ST7: variants seen among roughly 807,000 people sequenced by gnomAD.
The protein encoded by ST7 is suppressor of tumorigenicity 7 protein.
A neutral mutation model predicts 78.7 loss-of-function variants in ST7; 28 were observed. The ratio of observed to expected loss-of-function variants is 0.36; its 90% CI spans 0.26 to 0.49. ST7 has a LOEUF of 0.49. Among genes scored for constraint, ST7 ranks in the 20% least tolerant of loss-of-function variants. The pLI is 0.99. For synonymous variants in ST7, 247 were observed against 249.6 expected (o/e 0.99, Z 0.10); for missense variants, 418 against 696.0 (o/e 0.60, Z 4.49).
At chr7:117,138,085 T>A (rs963383935) in intron 8 of ST7, among the ~76,000 whole-genome samples, 20 of 152,134 alleles carry the variant, frequency 1.3e-4, no homozygotes, top group African/African-American at 4.6e-4. Flanking sequence ...TTCATCAGGA[T>A]GTAACCTGAG....
chr7:116,989,168 A>G (rs370528302), intron 1 of ST7, among the ~76,000 whole-genome samples: 1 of 152,358 alleles, frequency 6.6e-6, no homozygotes, highest in Non-Finnish European at 1.5e-5. Context: ...AAAATTATTA[A>G]TGAGATATTT....
At chr7:117,046,652 C>A (rs979206277) in intron 1 of ST7, among the ~76,000 whole-genome samples, 2 of 151,970 alleles carry the variant, frequency 1.3e-5, no homozygotes, top group African/African-American at 4.8e-5. Context: ...TGGACTATAC[C>A]ATATAACAAG....
At chr7:117,118,562 C>A (rs1472057357) in intron 2 of ST7, 1 of 152,068 alleles carries the variant, frequency 6.6e-6, no homozygotes, top group African/African-American at 2.4e-5. Flanking sequence ...AAAGGTAATT[C>A]TATGTTAATT....
At chr7:117,106,578 C>G (rs1358300019) in intron 2 of ST7, among the ~76,000 whole-genome samples, 1 of 148,660 alleles carries the variant, frequency 6.7e-6, no homozygotes, top group Non-Finnish European at 1.5e-5. Context: ...TCTTCCCACT[C>G]TTTCCTCCTC....
At chr7:117,140,706 G>A (rs181282117) in intron 9 of ST7, among the ~76,000 whole-genome samples, 20 of 151,578 alleles carry the variant, frequency 1.3e-4, no homozygotes, top group East Asian at 1.9e-4. Context: ...CTTATATTAC[G>A]TTTCTAAAAA....
chr7:117,168,683 C>T (rs903524468), intron 9 of ST7, among the ~76,000 whole-genome samples: 1 of 152,280 alleles, frequency 6.6e-6, no homozygotes, highest in East Asian at 1.9e-4. Context: ...TCTTACTGAA[C>T]ACATAATCAG....
intron 1 of ST7, chr7:117,020,551 T>C (rs1795841765): frequency 1.4e-6 from 2 of 1,406,066 alleles, no homozygotes; most frequent in African/African-American, 1.5e-5. Context: ...CTTTTCTTTC[T>C]TTTTTTTTTC....
intron 3 of ST7, among the ~76,000 whole-genome samples, chr7:117,120,868 A>C (rs2116951502): frequency 6.6e-6 from 1 of 152,338 alleles, no homozygotes; most frequent in Non-Finnish European, 1.5e-5. Flanking sequence ...ATAAAGAATA[A>C]GGCTTAATCA....
intron 12 of ST7, among the ~76,000 whole-genome samples, chr7:117,209,439 G>A (rs1188230068): frequency 2.6e-5 from 4 of 152,194 alleles, no homozygotes; most frequent in Non-Finnish European, 5.9e-5. Context: ...TAACCTTCAT[G>A]TGTCTGTTTT....
At chr7:117,194,779 T>C (rs1240348237) in intron 12 of ST7, among the ~76,000 whole-genome samples, 2 of 152,236 alleles carry the variant, frequency 1.3e-5, no homozygotes, top group African/African-American at 4.8e-5. Context: ...ATGCTCACTC[T>C]GCTCTTCCTC....
At chr7:117,161,016 T>A (rs1293570983) in intron 9 of ST7, among the ~76,000 whole-genome samples, 1 of 152,192 alleles carries the variant, frequency 6.6e-6, no homozygotes, top group African/African-American at 2.4e-5. Flanking sequence ...TATTATAGAA[T>A]TCAAGTACAG....
chr7:116,990,781 G>A (rs943583003), intron 1 of ST7, among the ~76,000 whole-genome samples: 6 of 151,958 alleles, frequency 3.9e-5, no homozygotes, highest in Non-Finnish European at 8.8e-5. Context: ...TTTTTTAGTT[G>A]CACTTACCAT....
rs528242934 is a variant in ST7 at position 117,170,449 on chromosome 7, G to A, written c.964-413G>A. ...TGTAATCCCAGCACTTCGGGAGGCCGAGGCGGGCAGATCATGAGGTCAGGA... is the reference window on the plus strand; with the variant it reads ...TGTAATCCCAGCACTTCGGGAGGCCAAGGCGGGCAGATCATGAGGTCAGGA... On this transcript the variant is annotated intron_variant, in intron 9 of 15. Coordinates refer to ENST00000323984, the MANE Select transcript of ST7 (RefSeq NM_001369598.1). Among the ~76,000 whole-genome samples, 4 of 152,218 alleles carry A rather than the reference G, an allele frequency of 2.6e-5. No individual in the cohort carries two copies. In the South Asian group the frequency reaches 8.3e-4, roughly 32 times the overall value.
chr7:117,155,063 A>G (rs1457653915), intron 9 of ST7, among the ~76,000 whole-genome samples: 1 of 152,200 alleles, frequency 6.6e-6, no homozygotes, highest in Admixed American at 6.5e-5. Context: ...GATAGGTGCT[A>G]TAAAGAAACT....
chr7:117,043,624 T>A (rs547735118), intron 1 of ST7, among the ~76,000 whole-genome samples: 2 of 152,172 alleles, frequency 1.3e-5, no homozygotes, highest in Non-Finnish European at 2.9e-5. Context: ...ATAAATGGGG[T>A]CTAAAGGGAG....
intron 1 of ST7, among the ~76,000 whole-genome samples, chr7:117,025,141 T>G (rs1796123840): frequency 6.6e-6 from 1 of 152,222 alleles, no homozygotes; most frequent in African/African-American, 2.4e-5. Flanking sequence ...GTCTTTTATG[T>G]GCATCTCAGG....
At chr7:117,155,656 C>T (rs1435494044) in intron 9 of ST7, among the ~76,000 whole-genome samples, 2 of 152,198 alleles carry the variant, frequency 1.3e-5, no homozygotes, top group Admixed American at 6.5e-5. Flanking sequence ...TACTAACAGC[C>T]TTCCCTTTTA....
At chr7:117,087,721 A>G (rs1438783564) in intron 1 of ST7, among the ~76,000 whole-genome samples, 2 of 152,146 alleles carry the variant, frequency 1.3e-5, no homozygotes, top group Non-Finnish European at 2.9e-5. Context: ...ACTGTCTTTA[A>G]TCACTTCAAA....
chr7:117,218,847 T>C (rs1749970979), intron 13 of ST7, among the ~76,000 whole-genome samples: 1 of 152,200 alleles, frequency 6.6e-6, no homozygotes, highest in African/African-American at 2.4e-5. Context: ...CCTCTGCACC[T>C]CTGTCCCCAC....
Sources: allele counts gnomAD v4.1 joint callset (sites outside exome capture counted in the v4.1 genomes callset), GRCh38; gene constraint gnomAD v4.1.1; transcripts MANE v1.5; gene names NCBI Gene and HGNC (gene_info 2026-07-23, HGNC 2026-07-21).